Variants in HS6ST3 observed in about 807,000 individuals in gnomAD.
HS6ST3 encodes heparan sulfate 6-O-sulfotransferase 3.
In HS6ST3, 12 loss-of-function variants were observed where a neutral mutation model predicts 36.7. The observed-to-expected ratio is 0.33, with a 90% CI of 0.21 to 0.53. The LOEUF (loss-of-function observed/expected upper bound fraction) is 0.53. HS6ST3 is among the 20% of genes least tolerant of loss of function. The probability of loss-of-function intolerance (pLI) is 0.95; values close to 1 mark genes in which losing one functional copy is unlikely to be tolerated. For missense variants in HS6ST3, 584 were observed against 640.9 expected (o/e 0.91, Z 0.96); for synonymous variants, 240 against 257.5 (o/e 0.93, Z 0.65).
chr13:96,649,125 A>G (rs1330932219), intron 1 of HS6ST3, among the ~76,000 whole-genome samples: 1 of 151,970 alleles, frequency 6.6e-6, no homozygotes, highest in Non-Finnish European at 1.5e-5. Context: ...TGGCAATTCC[A>G]TCTATAATAG....
chr13:96,668,820 TC>T (rs1165593885), intron 1 of HS6ST3, among the ~76,000 whole-genome samples: 11 of 146,878 alleles, frequency 7.5e-5, no homozygotes, highest in Non-Finnish European at 1.2e-4. Flanking sequence ...AGATAGGAAA[TC>T]CTTGCACATT....
chr13:96,573,481 A>G (rs2056308385), intron 1 of HS6ST3, among the ~76,000 whole-genome samples: 1 of 152,200 alleles, frequency 6.6e-6, no homozygotes, highest in South Asian at 2.1e-4. Context: ...GAGAAAAGAT[A>G]CAGGAAGAAG....
At chr13:96,788,864 G>A (rs1054445414) in intron 1 of HS6ST3, among the ~76,000 whole-genome samples, 3 of 151,684 alleles carry the variant, frequency 2.0e-5, no homozygotes, top group Non-Finnish European at 4.4e-5. Context: ...TTTGATTAGT[G>A]TTTGCATGAG....
chr13:96,594,388 C>T (rs1158980469), intron 1 of HS6ST3, among the ~76,000 whole-genome samples: 1 of 151,844 alleles, frequency 6.6e-6, no homozygotes, highest in African/African-American at 2.4e-5. Flanking sequence ...ATCTTCTTTT[C>T]TTTCTCTCTT....
chr13:96,145,455 T>C (rs2054052977), intron 1 of HS6ST3, among the ~76,000 whole-genome samples: 1 of 152,220 alleles, frequency 6.6e-6, no homozygotes, highest in Non-Finnish European at 1.5e-5. Context: ...ATGTCTTCTT[T>C]TGAGAAGTGT....
intron 1 of HS6ST3, among the ~76,000 whole-genome samples, chr13:96,575,592 C>A (rs1240903489): frequency 6.6e-6 from 1 of 152,206 alleles, no homozygotes; most frequent in Non-Finnish European, 1.5e-5. Flanking sequence ...TACAACATAG[C>A]TGTGTAATTT....
chr13:96,470,972 G>A (rs2055837674), intron 1 of HS6ST3, among the ~76,000 whole-genome samples: 1 of 152,166 alleles, frequency 6.6e-6, no homozygotes, highest in South Asian at 2.1e-4. Context: ...CCCAGGAACT[G>A]TTAAAAAATT....
At chr13:96,146,132 T>C (rs1011102573) in intron 1 of HS6ST3, among the ~76,000 whole-genome samples, 9 of 152,210 alleles carry the variant, frequency 5.9e-5, no homozygotes, top group Non-Finnish European at 1.3e-4. Flanking sequence ...GTCTTGGCAA[T>C]GCAGGCTCTT....
chr13:96,818,674 T>A (rs923850477), intron 1 of HS6ST3, among the ~76,000 whole-genome samples: 6 of 152,238 alleles, frequency 3.9e-5, no homozygotes, highest in Admixed American at 1.3e-4. Flanking sequence ...TTACAACACT[T>A]GGTTGGGAGT....
rs113718564 is a variant in HS6ST3 at position 96,419,361 on chromosome 13, CA to C, written c.707+327796del. Among the ~76,000 whole-genome samples, 9 of 152,102 alleles carry C rather than the reference CA, an allele frequency of 5.9e-5. 1 individual carries two copies. The highest frequency in any genetic ancestry group is 2.2e-4 in the African/African-American group (9 of 41,500). ...TAGAATGGCCTTTTATAGAACAAAA[CA>C]AAAGAGAAAATGTGACCATTTTGCA... On this transcript the variant is annotated intron_variant, in intron 1 of 1. Coordinates refer to ENST00000376705, the MANE Select transcript of HS6ST3 (RefSeq NM_153456.4).
intron 1 of HS6ST3, among the ~76,000 whole-genome samples, chr13:96,433,171 A>G (rs1277277052): frequency 2.0e-5 from 3 of 152,216 alleles, no homozygotes; most frequent in Non-Finnish European, 4.4e-5. Context: ...TCTGATAAGA[A>G]ACAGTCAATA....
Position 96,114,747 on chromosome 13 carries a change from A to G in HS6ST3, c.707+23178A>G, listed in dbSNP as rs571903321. Among the ~76,000 whole-genome samples, 15 of 152,352 alleles carry G rather than the reference A, an allele frequency of 9.8e-5. No individual in the cohort carries two copies. In the South Asian group the frequency reaches 1.9e-3, roughly 19 times the overall value. On this transcript the variant is annotated intron_variant, in intron 1 of 1. Coordinates refer to ENST00000376705, the MANE Select transcript of HS6ST3 (RefSeq NM_153456.4). ...CTTTTCATAAGATATAGATGGGTGT[A>G]AAAACCCCCAAATAAATAAAACACT...
chr13:96,292,261 C>T (rs1025948327), intron 1 of HS6ST3, among the ~76,000 whole-genome samples: 1 of 151,492 alleles, frequency 6.6e-6, no homozygotes, highest in Non-Finnish European at 1.5e-5. Flanking sequence ...GTTTATATTA[C>T]TTTAAAGTGA....
chr13:96,338,143 C>G (rs2055111252), intron 1 of HS6ST3, among the ~76,000 whole-genome samples: 1 of 151,512 alleles, frequency 6.6e-6, no homozygotes, highest in South Asian at 2.1e-4. Context: ...TACTTTGGTC[C>G]TCAGATTTTC....
At chr13:96,571,376 A>G (rs1691049219) in intron 1 of HS6ST3, among the ~76,000 whole-genome samples, 1 of 152,232 alleles carries the variant, frequency 6.6e-6, no homozygotes, top group South Asian at 2.1e-4. Context: ...ACTGAGCACT[A>G]TTTAAGATTG....
intron 1 of HS6ST3, among the ~76,000 whole-genome samples, chr13:96,101,885 A>G (rs1174429540): frequency 2.0e-5 from 3 of 152,014 alleles, no homozygotes; most frequent in Non-Finnish European, 4.4e-5. Context: ...CACATACACC[A>G]TTTTATGACA....
At chr13:96,704,943 A>G (rs1174974361) in intron 1 of HS6ST3, among the ~76,000 whole-genome samples, 3 of 152,302 alleles carry the variant, frequency 2.0e-5, no homozygotes, top group Middle Eastern at 3.4e-3. Flanking sequence ...AGACTTTACT[A>G]TGATATTTTA....
intron 1 of HS6ST3, among the ~76,000 whole-genome samples, chr13:96,270,418 A>C (rs902690454): frequency 9.9e-5 from 15 of 151,910 alleles, no homozygotes; most frequent in Non-Finnish European, 1.5e-5. Context: ...TTCAGTTTTG[A>C]TTTTTTCTAA....
intron 1 of HS6ST3, among the ~76,000 whole-genome samples, chr13:96,293,218 T>C (rs573589287): frequency 6.6e-6 from 1 of 152,276 alleles, no homozygotes; most frequent in African/African-American, 2.4e-5. Context: ...GGAACTCTAC[T>C]AATAGTTTTT....
Sources: gnomAD v4.1 joint callset for allele counts (sites outside exome capture counted in the v4.1 genomes callset) on GRCh38, gnomAD v4.1.1 for gene constraint, MANE v1.5 for transcripts, NCBI Gene and HGNC (gene_info 2026-07-23, HGNC 2026-07-21) for gene names.